The following CEP192 variants were observed in gnomAD, a reference collection of about 807,000 sequenced individuals.
CEP192 encodes centrosomal protein of 192 kDa.
A neutral mutation model predicts 271.8 loss-of-function variants in CEP192; 151 were observed. That is an observed-to-expected ratio of 0.56 (90% CI 0.49 to 0.64). The LOEUF is 0.64. Ranked by LOEUF, CEP192 falls within the 30% of genes least tolerant of loss-of-function variation. The pLI is 0.00. For missense variants in CEP192, 2,910 were observed against 3,020.5 expected (o/e 0.96, Z 0.86); for synonymous variants, 995 against 1,076.5 (o/e 0.92, Z 1.48).
Position 13,105,066 on chromosome 18 carries a change from A to T in CEP192, c.7034A>T (p.His2345Leu). The T allele has an allele frequency of 2.5e-6, 4 of 1,613,166 alleles. No individual in the cohort carries two copies. The highest frequency in any genetic ancestry group is 3.4e-6 in the Non-Finnish European group (4 of 1,179,064). ...CSPISGLLES[H>L]GIQKVSITFL... ...CCTATTTCTGGTCTGCTGGAAAGCC[A>T]TGGGATCCAAAAAGTAGGTTTTGAT... Residue 2345 changes from histidine to leucine, a missense_variant, in exon 40 of 45, where the codon CAT becomes CTT. Coordinates refer to ENST00000506447, the MANE Select transcript of CEP192 (RefSeq NM_032142.4).
At chr18:13,065,372 G>T (rs1454709000) in intron 21 of CEP192, among the ~76,000 whole-genome samples, 2 of 151,996 alleles carry the variant, frequency 1.3e-5, no homozygotes, top group Non-Finnish European at 2.9e-5. Flanking sequence ...TAGGTAATTT[G>T]TTTAGTTTAA....
rs1465500515 is a variant in CEP192, at chr18:12,999,608, A to AT, written c.164+27dup. Reference sequence around the variant, plus strand: ...TAACAGGTAAGATTTGTTTGAGCAGATTTTTTTCCAGGTCCATAAAGCCTA... The same window carrying AT: ...TAACAGGTAAGATTTGTTTGAGCAGATTTTTTTTCCAGGTCCATAAAGCCTA... On this transcript the variant is annotated intron_variant, in intron 2 of 44. Transcript: ENST00000506447. 3 of 1,503,664 alleles carry AT rather than the reference A, an allele frequency of 2.0e-6. No homozygotes were observed. Among genetic ancestry groups the AT allele is most frequent in the Non-Finnish European group, 2.7e-6 (3 of 1,126,938 alleles). The allele number at this position is 1,503,664 out of a possible 1,614,324, so 93.1% of individuals were successfully genotyped here.
intron 40 of CEP192, among the ~76,000 whole-genome samples, chr18:13,110,521 C>T (rs2040163289): frequency 6.6e-6 from 1 of 151,750 alleles, no homozygotes; most frequent in African/African-American, 2.4e-5. Context: ...TGGATAGCCA[C>T]ATGCAAAAGA....
intron 44 of CEP192, among the ~76,000 whole-genome samples, chr18:13,118,293 GTCTC>G (rs10545331): frequency 0.43 from 65,434 of 151,604 alleles, 14,189 homozygotes; most frequent in Middle Eastern, 0.5. Context: ...TTATTGTAAA[GTCTC>G]TCATTTTAGC....
intron 1 of CEP192, among the ~76,000 whole-genome samples, chr18:12,993,345 G>C (rs1046849117): frequency 1.2e-4 from 19 of 152,184 alleles, no homozygotes; most frequent in Admixed American, 1.0e-3. Context: ...TGGAAGTATG[G>C]TCGTTCCCTC....
intron 40 of CEP192, among the ~76,000 whole-genome samples, 166 bp from the exon 41 acceptor site, chr18:13,113,420 G>A (rs1046699515): frequency 2.0e-5 from 3 of 152,162 alleles, no homozygotes; most frequent in Non-Finnish European, 4.4e-5. Flanking sequence ...ATAGTAACCC[G>A]CTAGAAATGA....
intron 9 of CEP192, among the ~76,000 whole-genome samples, chr18:13,022,318 C>T (rs1422196223): frequency 6.6e-6 from 1 of 151,900 alleles, no homozygotes; most frequent in Admixed American, 6.6e-5. Flanking sequence ...TCTTATTTTT[C>T]AAGATTGAGT....
chr18:13,099,341 G>C (rs1350458780), intron 36 of CEP192, 135 bp from the exon 37 acceptor site: 2 of 567,746 alleles, frequency 3.5e-6, no homozygotes, highest in East Asian at 5.9e-5. Flanking sequence ...AGCCGCATGG[G>C]AGTGAGCTCT....
At chr18:13,103,645 G>A (rs1161773399) in intron 39 of CEP192, 57 bp downstream of exon 39, 2 of 1,344,616 alleles carry the variant, frequency 1.5e-6, no homozygotes, top group Non-Finnish European at 2.1e-6. Context: ...TATCCAGGAT[G>A]TTCTAAAAAC....
At chr18:13,087,686 C>T (rs2038961437) in intron 32 of CEP192, 40 bp downstream of exon 32, 9 of 1,037,784 alleles carry the variant, frequency 8.7e-6, no homozygotes, top group South Asian at 1.8e-5. Context: ...AACCATTCAG[C>T]AGAAATAATG....
rs772089204 is a variant in CEP192, at chr18:13,049,837, C to T, written c.2963C>T (p.Thr988Met). ...EDEQESFRPS[T>M]SPLSHSSPSE... ...GAGCAGGAGAGCTTCAGACCTTCCA[C>T]GTCACCACTGAGTCATTCTTCTCCT... Residue 988 changes from threonine (T) to methionine (M), a missense_variant, in exon 17 of 45, where the codon ACG becomes ATG. Transcript: ENST00000506447. 10 of 1,613,770 alleles carry T rather than the reference C, an allele frequency of 6.2e-6. No homozygotes were observed. In the Admixed American group the frequency reaches 8.3e-5, roughly 13 times the overall value.
Position 13,008,546 on chromosome 18 carries a change from A to T in CEP192, c.381A>T (p.Gly127=). ...KQSALQMETA[G]PEEEPAGATE... is the part of the protein sequence containing the mutation. ...CAGCTTTACAAATGGAGACAGCAGG[A>T]CCAGAAGAGGAGCCAGCCGGAGCTA... is the stretch of plus-strand genomic sequence containing the variant. Residue 127 remains glycine (G), a synonymous_variant, in exon 4 of 45, where the codon GGA becomes GGT. Coordinates refer to ENST00000506447, the MANE Select transcript of CEP192 (RefSeq NM_032142.4). 6.4e-7 allele frequency: 1 copy of T among 1,551,616 alleles called. No homozygotes were observed. Among genetic ancestry groups the T allele is most frequent in the Non-Finnish European group, 8.7e-7 (1 of 1,146,892 alleles).
intron 4 of CEP192, among the ~76,000 whole-genome samples, chr18:13,010,264 A>G (rs897928603): frequency 9.9e-5 from 15 of 152,246 alleles, no homozygotes; most frequent in African/African-American, 3.6e-4. Context: ...TCAAAGCTGG[A>G]AATTGAAAAG....
At chr18:13,106,465 T>TACC (rs1160627285) in intron 40 of CEP192, among the ~76,000 whole-genome samples, 1 of 117,924 alleles carries the variant, frequency 8.5e-6, no homozygotes, top group African/African-American at 3.0e-5. Context: ...CCCACAGAAC[T>TACC]ACCACCACCA....
intron 10 of CEP192, 38 bp from the exon 11 acceptor site, chr18:13,030,427 C>A (rs750687364): frequency 1.3e-6 from 2 of 1,492,242 alleles, no homozygotes; most frequent in Non-Finnish European, 1.8e-6. Flanking sequence ...TTAGTTGTTA[C>A]ATGTGTCATT....
Position 13,004,125 on chromosome 18 carries a change from T to C in CEP192, c.290+2543T>C, listed in dbSNP as rs531133085. On this transcript the variant is annotated intron_variant, in intron 3 of 44. Coordinates refer to ENST00000506447, the MANE Select transcript of CEP192 (RefSeq NM_032142.4). ...TAGATTAGGTCATTGGTAACCCCAA[T>C]AAGTAGTTTGGTGTAAGTAGGGACA... Among the ~76,000 whole-genome samples the C allele has an allele frequency of 2.0e-5, 3 of 152,300 alleles. No individual in the cohort carries two copies. In the East Asian group the frequency reaches 5.8e-4, roughly 29 times the overall value.
At chr18:13,050,829 C>T (rs1468645885) in intron 17 of CEP192, among the ~76,000 whole-genome samples, 3 of 152,176 alleles carry the variant, frequency 2.0e-5, no homozygotes, top group South Asian at 4.1e-4. Context: ...ATCCACCTGC[C>T]TCGGCCTCCC....
chr18:13,050,655 C>T (rs1434580648), intron 17 of CEP192, among the ~76,000 whole-genome samples: 6 of 151,626 alleles, frequency 4.0e-5, no homozygotes, highest in Non-Finnish European at 8.8e-5. Flanking sequence ...TCTTGGCTCA[C>T]TACAACCTCT....
chr18:13,010,402 A>G (rs2034269545), intron 4 of CEP192, among the ~76,000 whole-genome samples: 1 of 152,190 alleles, frequency 6.6e-6, no homozygotes. Flanking sequence ...GAAAAATTTT[A>G]AGGGAGGTTT....
Sources: gnomAD v4.1 joint callset for allele counts (sites outside exome capture counted in the v4.1 genomes callset) on GRCh38, gnomAD v4.1.1 for gene constraint, MANE v1.5 for transcripts, NCBI Gene and HGNC (gene_info 2026-07-23, HGNC 2026-07-21) for gene names.